The following HEMK2 variants were observed in gnomAD, a reference collection of about 807,000 sequenced individuals.
HEMK2 encodes HemK methyltransferase 2, ETF1 glutamine and histone H4 lysine, also known as methyltransferase HEMK2.
At chr21:28,841,343 T>TATATATAATATTATATATA in the HEMK2 span, among the ~76,000 whole-genome samples, 20 of 18,536 alleles carry the variant, frequency 1.1e-3, no homozygotes, top group African/African-American at 0.022. Context: ...ATATATATTA[T>TATATATAATATTATATATA]ATATATAAAT....
chr21:28,676,012 C>T, the HEMK2 span, among the ~76,000 whole-genome samples: 1 of 152,220 alleles, frequency 6.6e-6, no homozygotes, highest in African/African-American at 2.4e-5. Context: ...ATCCTTCATG[C>T]TTAACCCCAA....
the HEMK2 span, among the ~76,000 whole-genome samples, chr21:28,679,267 T>A: frequency 6.6e-6 from 1 of 152,028 alleles, no homozygotes; most frequent in Non-Finnish European, 1.5e-5. Flanking sequence ...AAAACAGACT[T>A]TAAACCACAA....
the HEMK2 span, among the ~76,000 whole-genome samples, chr21:28,687,527 G>T: frequency 6.6e-6 from 1 of 152,134 alleles, no homozygotes; most frequent in Admixed American, 6.5e-5. Flanking sequence ...GTACATGTCA[G>T]CATAGCATGC....
At chr21:28,764,409 C>CA in the HEMK2 span, among the ~76,000 whole-genome samples, 3 of 151,294 alleles carry the variant, frequency 2.0e-5, no homozygotes, top group Non-Finnish European at 4.4e-5. Flanking sequence ...CACAGAGGCC[C>CA]AAAAAATCAG....
the HEMK2 span, chr21:28,872,948 T>C: frequency 6.6e-6 from 1 of 152,234 alleles, no homozygotes; most frequent in South Asian, 2.1e-4. Context: ...CACTTCAGAA[T>C]AATGTTTAAA....
the HEMK2 span, among the ~76,000 whole-genome samples, chr21:28,587,816 A>G: frequency 6.6e-5 from 10 of 152,246 alleles, no homozygotes; most frequent in Admixed American, 5.9e-4. Context: ...TAGATAAATA[A>G]ATGATCAAGT....
the HEMK2 span, among the ~76,000 whole-genome samples, chr21:28,700,830 A>AAC: frequency 4.7e-4 from 71 of 150,780 alleles, no homozygotes; most frequent in Non-Finnish European, 6.5e-4. Context: ...AGCTTGCAGA[A>AAC]ACACACACAC....
the HEMK2 span, among the ~76,000 whole-genome samples, chr21:28,839,076 T>C: frequency 1.4e-5 from 2 of 142,012 alleles, no homozygotes; most frequent in Non-Finnish European, 3.0e-5. Flanking sequence ...CATATGTGAG[T>C]CAATAAATGT....
chr21:28,752,331 CCAAA>C, the HEMK2 span, among the ~76,000 whole-genome samples: 8 of 152,254 alleles, frequency 5.3e-5, no homozygotes, highest in South Asian at 4.1e-4. Flanking sequence ...GTCCAAAGGA[CCAAA>C]CAAACAGCTG....
the HEMK2 span, among the ~76,000 whole-genome samples, chr21:28,683,425 G>A: frequency 6.6e-6 from 1 of 152,130 alleles, no homozygotes; most frequent in African/African-American, 2.4e-5. Flanking sequence ...AACAACCCAA[G>A]TCTTTTGATA....
the HEMK2 span, among the ~76,000 whole-genome samples, chr21:28,612,449 A>G: frequency 6.6e-6 from 1 of 152,292 alleles, no homozygotes; most frequent in African/African-American, 2.4e-5. Context: ...AATAAACACC[A>G]TCTATGACAA....
At chr21:28,762,330 A>G in the HEMK2 span, among the ~76,000 whole-genome samples, 1 of 152,084 alleles carries the variant, frequency 6.6e-6, no homozygotes, top group Non-Finnish European at 1.5e-5. Context: ...AATGCCTACA[A>G]TATTTTCTGC....
At chr21:28,835,535 G>C in the HEMK2 span, among the ~76,000 whole-genome samples, 1 of 152,070 alleles carries the variant, frequency 6.6e-6, no homozygotes, top group Non-Finnish European at 1.5e-5. Context: ...ACCCAAATGA[G>C]AAGGAACCAG....
chr21:28,604,004 T>G, the HEMK2 span, among the ~76,000 whole-genome samples: 2 of 152,196 alleles, frequency 1.3e-5, no homozygotes, highest in African/African-American at 4.8e-5. Flanking sequence ...CCAACTGCTA[T>G]AGGGAGAGGT....
the HEMK2 span, among the ~76,000 whole-genome samples, chr21:28,789,092 A>G: frequency 6.6e-6 from 1 of 152,194 alleles, no homozygotes; most frequent in Non-Finnish European, 1.5e-5. Context: ...AATTGTGAGA[A>G]ATAAATTTTT....
the HEMK2 span, among the ~76,000 whole-genome samples, chr21:28,681,824 G>T: frequency 6.6e-6 from 1 of 152,060 alleles, no homozygotes; most frequent in African/African-American, 2.4e-5. Context: ...TTAATAAATG[G>T]TGCTGGGAGA....
At chr21:28,609,915 T>C in the HEMK2 span, among the ~76,000 whole-genome samples, 1 of 152,198 alleles carries the variant, frequency 6.6e-6, no homozygotes, top group Non-Finnish European at 1.5e-5. Flanking sequence ...TTATGCTAAA[T>C]GACCAAAACT....
chr21:28,711,056 A>G, the HEMK2 span, among the ~76,000 whole-genome samples: 1 of 152,132 alleles, frequency 6.6e-6, no homozygotes, highest in Non-Finnish European at 1.5e-5. Flanking sequence ...TACATCTACT[A>G]TAAATACTAG....
the HEMK2 span, among the ~76,000 whole-genome samples, chr21:28,816,920 G>C: frequency 6.6e-6 from 1 of 152,180 alleles, no homozygotes; most frequent in Admixed American, 6.5e-5. Flanking sequence ...AGTCACTGAA[G>C]AAATTTCCTC....
Sources: allele counts gnomAD v4.1 joint callset (sites outside exome capture counted in the v4.1 genomes callset), GRCh38; gene constraint gnomAD v4.1.1; transcripts MANE v1.5; gene names NCBI Gene and HGNC (gene_info 2026-07-23, HGNC 2026-07-21).